Variants in PSAP observed in about 807,000 individuals in gnomAD.
PSAP encodes the protein prosaposin, also known as precursor of saposins.
A neutral mutation model predicts 66.0 loss-of-function variants in PSAP; 25 were observed. That is an observed-to-expected ratio of 0.38 (90% CI 0.28 to 0.53). The LOEUF (loss-of-function observed/expected upper bound fraction) is 0.53, where lower values mean the gene tolerates loss of function less well. PSAP is among the 20% of genes least tolerant of loss of function. The pLI, the probability that PSAP is intolerant of heterozygous loss-of-function variation, is 0.83. For synonymous variants in PSAP, 273 were observed against 258.9 expected (o/e 1.05, Z -0.52); for missense variants, 649 against 668.8 (o/e 0.97, Z 0.33).
intron 2 of PSAP, among the ~76,000 whole-genome samples, chr10:71,832,583 G>A (rs1842541600): frequency 6.6e-6 from 1 of 152,146 alleles, no homozygotes; most frequent in Admixed American, 6.5e-5. Flanking sequence ...AAACCAACTT[G>A]AACCTAGTCA....
chr10:71,830,720 T>A (rs1196176606), intron 4 of PSAP, among the ~76,000 whole-genome samples: 1 of 152,250 alleles, frequency 6.6e-6, no homozygotes, highest in East Asian at 1.9e-4. Flanking sequence ...GTACAATACA[T>A]ACTTGATGAA....
intron 1 of PSAP, among the ~76,000 whole-genome samples, chr10:71,835,243 T>TAAATAAATAAATA (rs1554881775): frequency 7.3e-6 from 1 of 136,686 alleles, no homozygotes; most frequent in East Asian, 2.3e-4. Flanking sequence ...AATAAATAAA[T>TAAATAAATAAATA]AAATAAAATA....
At chr10:71,839,152 G>A (rs1842680822) in intron 1 of PSAP, among the ~76,000 whole-genome samples, 1 of 145,586 alleles carries the variant, frequency 6.9e-6, no homozygotes, top group Admixed American at 6.9e-5. Flanking sequence ...AATTAAATGT[G>A]TCATAAAGAC....
rs781415981 is a variant in PSAP, at chr10:71,833,016, C to CA, written c.175-1097dup. On this transcript the variant is annotated intron_variant, in intron 2 of 13. Transcript: ENST00000394936. ...TAGGCAACAGAGTGAGAGTCCATCT[C>CA]AAAAAAAAAAAAAAACAAAAAACAA... 4.9e-3 allele frequency among the ~76,000 whole-genome samples: 248 copies of CA among 50,560 alleles called. 14 individuals are homozygous for CA. Among genetic ancestry groups the CA allele is most frequent in the African/African-American group, 7.0e-3 (82 of 11,688 alleles). The allele number at this position is 50,560 out of a possible 152,430, so 33.2% of individuals were successfully genotyped here. A position where few individuals can be genotyped will look rare whatever the true frequency, so the allele number is the denominator to read the frequency against.
chr10:71,843,664 A>G (rs1255133003), intron 1 of PSAP, among the ~76,000 whole-genome samples: 1 of 152,220 alleles, frequency 6.6e-6, no homozygotes. Context: ...ATGTCCATCA[A>G]TAGGGATTAA....
Position 71,839,736 on chromosome 10 carries a change from C to G in PSAP, c.41-5231G>C, listed in dbSNP as rs930596436. ...GGGTGTGGTGGCAGGTGCCTGTAAT[C>G]CCAGCTACTCAGGAGGCTGAGGCAG... On this transcript the variant is annotated intron_variant, in intron 1 of 13. Coordinates refer to ENST00000394936, the MANE Select transcript of PSAP (RefSeq NM_002778.4). Among the ~76,000 whole-genome samples the G allele has an allele frequency of 1.4e-4, 22 of 152,194 alleles. No homozygotes were observed. In the East Asian group the frequency reaches 4.3e-3, roughly 30 times the overall value.
At position 71,828,007 on chromosome 10, in the gene PSAP, G is replaced by C. The variant is rs754131929; in HGVS notation, c.720+7C>G. 6.2e-7 allele frequency: 1 copy of C among 1,614,120 alleles called. No individual in the cohort carries two copies. Among genetic ancestry groups the C allele is most frequent in the Non-Finnish European group, 8.5e-7 (1 of 1,180,016 alleles). ...ACATCCCCAATGCACAAGGACACAA[G>C]GCTCACTATGTCGGCCATGCCAGGG... On this transcript the variant is annotated splice_region_variant and intron_variant, in intron 6 of 13. Transcript: ENST00000394936.
At position 71,831,981 on chromosome 10, in the gene PSAP, TG is replaced by T. The variant is rs370187633; in HGVS notation, c.175-62del. ...GACACAAATTCACACCCCACACAGC[TG>T]GAACTCCCCATGGCCTTTTCGCTAT... On this transcript the variant is annotated intron_variant, in intron 2 of 13. Transcript: ENST00000394936. The T allele has an allele frequency of 5.3e-4, 785 of 1,486,500 alleles. 7 individuals are homozygous for T. Among genetic ancestry groups the T allele is most frequent in the African/African-American group, 5.1e-3 (373 of 72,492 alleles). The allele number at this position is 1,486,500 out of a possible 1,614,324, so 92.1% of individuals were successfully genotyped here.
At chr10:71,837,630 G>C (rs955370901) in intron 1 of PSAP, among the ~76,000 whole-genome samples, 3 of 152,206 alleles carry the variant, frequency 2.0e-5, no homozygotes, top group Non-Finnish European at 4.4e-5. Context: ...AAGAACAAAT[G>C]AACAGTCACG....
chr10:71,831,996 C>T, intron 2 of PSAP, 76 bp from the exon 3 acceptor site: 1 of 1,370,304 alleles, frequency 7.3e-7, no homozygotes, highest in Non-Finnish European at 1.0e-6. Context: ...CTCCCCATGG[C>T]CTTTTCGCTA....
chr10:71,824,080 C>A (rs1842356723), intron 7 of PSAP, among the ~76,000 whole-genome samples: 1 of 152,174 alleles, frequency 6.6e-6, no homozygotes. Flanking sequence ...ATCTTGCGGA[C>A]AAGGGGGCCC....
At position 71,819,734 on chromosome 10, in the gene PSAP, G is replaced by A. The variant is rs202125074; in HGVS notation, c.1172C>T (p.Thr391Met). The A allele has an allele frequency of 1.1e-4, 171 of 1,614,098 alleles. No homozygotes were observed. In the Middle Eastern group the frequency reaches 1.3e-3, roughly 12 times the overall value. ...VCSMLHLCSG[T>M]RLPALTVHVT... ...CTCACCGGTCAGTGCAGGCAGCCGC[G>A]TGCCAGAGCAGAGGTGCAGCATGCT... The change falls in exon 10 of 14, where the codon ACG (threonine) becomes ATG (methionine). Residue 391 changes from threonine (T) to methionine (M), a missense_variant. Physicochemically the swap from Thr to Met is moderately conservative, Grantham distance 81. Coordinates refer to ENST00000394936, the MANE Select transcript of PSAP (RefSeq NM_002778.4).
chr10:71,824,019 C>T (rs1252480338), intron 7 of PSAP: 1 of 663,986 alleles, frequency 1.5e-6, no homozygotes, highest in African/African-American at 1.9e-5. Flanking sequence ...CCAAGAGGTT[C>T]AGGGGAAATG....
chr10:71,846,639 T>C (rs1564827711), intron 1 of PSAP, among the ~76,000 whole-genome samples: 1 of 147,686 alleles, frequency 6.8e-6, no homozygotes, highest in Non-Finnish European at 1.5e-5. Context: ...GGCTGAGGTA[T>C]GAGAATCACT....
rs61489675 is a variant in PSAP at position 71,836,273 on chromosome 10, C to T, written c.41-1768G>A. Among the ~76,000 whole-genome samples the T allele has an allele frequency of 3.7e-3, 568 of 152,302 alleles. 2 individuals are homozygous for T. The highest frequency in any genetic ancestry group is 0.013 in the African/African-American group (529 of 41,562). On this transcript the variant is annotated intron_variant, in intron 1 of 13. Transcript: ENST00000394936. Reference sequence around the variant, plus strand: ...AGATGCAAATCAGTACCAAGCTCCCCAGATGGCTCACAAAAGCTTAGTTAG... The same window carrying T: ...AGATGCAAATCAGTACCAAGCTCCCTAGATGGCTCACAAAAGCTTAGTTAG...
chr10:71,836,066 T>C (rs2854987), intron 1 of PSAP, among the ~76,000 whole-genome samples: 108,530 of 151,928 alleles, frequency 0.71, 39,099 homozygotes, highest in Middle Eastern at 0.76. Flanking sequence ...AAAGCTCGAG[T>C]CAGATCACCT....
chr10:71,842,386 T>C (rs1468932070), intron 1 of PSAP, among the ~76,000 whole-genome samples: 1 of 152,226 alleles, frequency 6.6e-6, no homozygotes, highest in East Asian at 1.9e-4. Context: ...AATATATATA[T>C]GTTAACATGT....
chr10:71,818,181 C>T (rs1216203712), intron 13 of PSAP, among the ~76,000 whole-genome samples: 1 of 152,228 alleles, frequency 6.6e-6, no homozygotes, highest in East Asian at 1.9e-4. Context: ...GGCTGCTGGG[C>T]AGGGGCCAGT....
At chr10:71,827,276 G>A (rs552526861) in intron 6 of PSAP, among the ~76,000 whole-genome samples, 2 of 152,202 alleles carry the variant, frequency 1.3e-5, no homozygotes, top group African/African-American at 4.8e-5. Flanking sequence ...GCGGGCACTT[G>A]TAGTCCCAGC....
Sources: allele counts gnomAD v4.1 joint callset (sites outside exome capture counted in the v4.1 genomes callset), GRCh38; gene constraint gnomAD v4.1.1; transcripts MANE v1.5; gene names NCBI Gene and HGNC (gene_info 2026-07-23, HGNC 2026-07-21).